The following PCSK2 variants were observed in gnomAD, a reference collection of about 807,000 sequenced individuals.
PCSK2 encodes neuroendocrine convertase 2.
PCSK2 carries 14 observed loss-of-function variants against 69.7 expected under a neutral mutation model. That is an observed-to-expected ratio of 0.20 (90% CI 0.13 to 0.31). The LOEUF (loss-of-function observed/expected upper bound fraction) is 0.31. PCSK2 is among the 10% of genes least tolerant of loss of function. The pLI is 1.00. For missense variants in PCSK2, 544 were observed against 842.5 expected, an observed-to-expected ratio of 0.65 and a Z score of 4.39; for synonymous variants, 307 against 320.7, an observed-to-expected ratio of 0.96 and a Z score of 0.46.
At chr20:17,480,724 G>A (rs1048108330) in intron 11 of PCSK2, among the ~76,000 whole-genome samples, 3 of 152,206 alleles carry the variant, frequency 2.0e-5, no homozygotes, top group African/African-American at 4.8e-5. Context: ...AATGAAGAGT[G>A]CATTAATGAG....
intron 1 of PCSK2, among the ~76,000 whole-genome samples, chr20:17,258,080 A>G (rs1467459868): frequency 6.6e-6 from 1 of 152,220 alleles, no homozygotes; most frequent in Non-Finnish European, 1.5e-5. Context: ...ACTTTTCCAG[A>G]TAGCTTCCAG....
intron 5 of PCSK2, among the ~76,000 whole-genome samples, 192 bp downstream of exon 5, chr20:17,369,469 C>A (rs1281778780): frequency 1.3e-5 from 2 of 152,116 alleles, no homozygotes; most frequent in Non-Finnish European, 2.9e-5. Flanking sequence ...CACACACAAA[C>A]AGGAACATAC....
chr20:17,301,401 A>G (rs1347762821), intron 2 of PCSK2, among the ~76,000 whole-genome samples: 1 of 152,204 alleles, frequency 6.6e-6, no homozygotes, highest in East Asian at 1.9e-4. Context: ...CTGTGAGAGT[A>G]AAAAAGCAGT....
intron 6 of PCSK2, among the ~76,000 whole-genome samples, chr20:17,424,844 G>A (rs1301056933): frequency 6.6e-6 from 1 of 151,840 alleles, no homozygotes; most frequent in Admixed American, 6.6e-5. Context: ...GAGTGCAGTG[G>A]CGTAATCTTG....
intron 3 of PCSK2, among the ~76,000 whole-genome samples, chr20:17,359,557 T>C (rs2030320480): frequency 6.6e-6 from 1 of 152,186 alleles, no homozygotes; most frequent in South Asian, 2.1e-4. Flanking sequence ...AAGAAACTCT[T>C]AAAGCTTCTG....
intron 6 of PCSK2, among the ~76,000 whole-genome samples, chr20:17,413,033 A>C (rs1381366488): frequency 6.6e-6 from 1 of 152,206 alleles, no homozygotes. Context: ...TGAAGGAAGC[A>C]CTAAACATGG....
chr20:17,412,580 G>T (rs566032231), intron 6 of PCSK2, among the ~76,000 whole-genome samples: 1 of 152,318 alleles, frequency 6.6e-6, no homozygotes, highest in South Asian at 2.1e-4. Context: ...CTGACAGGGA[G>T]AATGGAACCA....
intron 5 of PCSK2, among the ~76,000 whole-genome samples, chr20:17,379,933 T>G (rs1230376194): frequency 2.0e-5 from 3 of 152,188 alleles, no homozygotes; most frequent in Non-Finnish European, 4.4e-5. Context: ...CTGTTGGCCT[T>G]GAAGATGCCA....
intron 1 of PCSK2, among the ~76,000 whole-genome samples, chr20:17,235,933 C>A (rs1210267748): frequency 6.6e-6 from 1 of 151,936 alleles, no homozygotes; most frequent in Non-Finnish European, 1.5e-5. Flanking sequence ...AAGTTAGGAA[C>A]CCTGATAATA....
chr20:17,250,503 G>A (rs1007759639), intron 1 of PCSK2, among the ~76,000 whole-genome samples: 2 of 152,112 alleles, frequency 1.3e-5, no homozygotes, highest in African/African-American at 4.8e-5. Context: ...CCACTATAAA[G>A]ATACATTTCC....
intron 2 of PCSK2, among the ~76,000 whole-genome samples, chr20:17,324,787 G>A (rs917170657): frequency 6.6e-6 from 1 of 152,186 alleles, no homozygotes; most frequent in Non-Finnish European, 1.5e-5. Flanking sequence ...AGTGCATGGA[G>A]AAAGGTCTCT....
At chr20:17,367,500 A>C (rs2030629613) in intron 4 of PCSK2, among the ~76,000 whole-genome samples, 1 of 152,254 alleles carries the variant, frequency 6.6e-6, no homozygotes, top group South Asian at 2.1e-4. Flanking sequence ...CCAGAGTGGA[A>C]CTGGATCCAC....
At chr20:17,236,982 C>T (rs1166837009) in intron 1 of PCSK2, among the ~76,000 whole-genome samples, 2 of 152,054 alleles carry the variant, frequency 1.3e-5, no homozygotes, top group Non-Finnish European at 2.9e-5. Context: ...GGACAAAGGA[C>T]AGATCATGAT....
rs80193407 is a variant in PCSK2, at chr20:17,326,474, T to G, written c.283-31853T>G. 4.8e-3 allele frequency among the ~76,000 whole-genome samples: 735 copies of G among 152,292 alleles called. 6 individuals are homozygous for G. Among genetic ancestry groups the G allele is most frequent in the East Asian group, 0.02 (105 of 5,178 alleles). ...AAACTAATTAAATCTGAATAACATA[T>G]GGGCTTTAATAATAATATATCAACA... On this transcript the variant is annotated intron_variant, in intron 2 of 11. Transcript: ENST00000262545.
chr20:17,245,253 T>G (rs1986727344), intron 1 of PCSK2, among the ~76,000 whole-genome samples: 1 of 152,192 alleles, frequency 6.6e-6, no homozygotes, highest in African/African-American at 2.4e-5. Context: ...AAAATGGAAA[T>G]TACTTTTTCA....
At chr20:17,295,893 A>G (rs1419588652) in intron 2 of PCSK2, among the ~76,000 whole-genome samples, 3 of 152,148 alleles carry the variant, frequency 2.0e-5, no homozygotes, top group African/African-American at 7.2e-5. Flanking sequence ...ATCCATATTG[A>G]TAACCACTGT....
intron 7 of PCSK2, 57 bp from the exon 8 acceptor site, chr20:17,436,649 CTT>C: frequency 1.5e-5 from 22 of 1,492,452 alleles, no homozygotes; most frequent in Non-Finnish European, 2.0e-5. Flanking sequence ...CCTCCACCTC[CTT>C]GTCTCCTGCG....
intron 2 of PCSK2, among the ~76,000 whole-genome samples, chr20:17,301,209 AT>A (rs1989071440): frequency 6.6e-6 from 1 of 152,158 alleles, no homozygotes; most frequent in African/African-American, 2.4e-5. Flanking sequence ...TTAGGATAAA[AT>A]TTCCAGCACT....
At chr20:17,399,586 G>C (rs1403005352) in intron 5 of PCSK2, among the ~76,000 whole-genome samples, 2 of 152,296 alleles carry the variant, frequency 1.3e-5, no homozygotes, top group East Asian at 3.9e-4. Context: ...GTATACGGAG[G>C]TGTTAAAGCC....
Sources: gnomAD v4.1 joint callset for allele counts (sites outside exome capture counted in the v4.1 genomes callset) on GRCh38, gnomAD v4.1.1 for gene constraint, MANE v1.5 for transcripts, NCBI Gene and HGNC (gene_info 2026-07-23, HGNC 2026-07-21) for gene names.